The following PID1 variants were observed in gnomAD, a reference collection of about 807,000 sequenced individuals.
PID1 encodes the protein PTB-containing, cubilin and LRP1-interacting protein.
In PID1, 10 loss-of-function variants were observed where a neutral mutation model predicts 19.1. That is an observed-to-expected ratio of 0.52 (90% CI 0.32 to 0.89). The LOEUF (loss-of-function observed/expected upper bound fraction) is 0.89, where lower values mean the gene tolerates loss of function less well. Among genes scored for constraint, PID1 ranks in the 40% least tolerant of loss-of-function variants. PID1 has a pLI of 0.03. For missense variants in PID1, 248 were observed against 285.3 expected, an observed-to-expected ratio of 0.87 and a Z score of 0.94; for synonymous variants, 130 against 116.0, an observed-to-expected ratio of 1.12 and a Z score of -0.78.
intron 2 of PID1, among the ~76,000 whole-genome samples, chr2:229,046,355 T>TGA (rs199746994): frequency 0.016 from 2,452 of 148,868 alleles, 67 homozygotes; most frequent in African/African-American, 0.059. Context: ...AAAGTGTGTG[T>TGA]GTGTGTGTGT....
chr2:229,199,385 G>T (rs1258826688), intron 1 of PID1, among the ~76,000 whole-genome samples: 3 of 151,864 alleles, frequency 2.0e-5, no homozygotes, highest in African/African-American at 7.3e-5. Flanking sequence ...CATGGGAAGG[G>T]CTCTCTCATC....
chr2:229,190,787 A>G (rs1030833273), intron 1 of PID1, among the ~76,000 whole-genome samples: 1 of 151,984 alleles, frequency 6.6e-6, no homozygotes, highest in African/African-American at 2.4e-5. Context: ...TCATTCAACA[A>G]TTTGTTGTGG....
intron 2 of PID1, among the ~76,000 whole-genome samples, chr2:229,141,230 T>C (rs1574661558): frequency 6.6e-6 from 1 of 152,072 alleles, no homozygotes; most frequent in South Asian, 2.1e-4. Context: ...ATTTCTCCTA[T>C]TGATGATTAA....
At chr2:229,080,032 G>A (rs1176782858) in intron 2 of PID1, among the ~76,000 whole-genome samples, 2 of 152,040 alleles carry the variant, frequency 1.3e-5, no homozygotes, top group South Asian at 2.1e-4. Context: ...ACAGGGGAGG[G>A]GACAGGTGAG....
intron 1 of PID1, among the ~76,000 whole-genome samples, chr2:229,172,723 GTTTGTT>G (rs1690735511): frequency 1.3e-5 from 2 of 151,948 alleles, no homozygotes; most frequent in South Asian, 2.1e-4. Context: ...ATAATATTTT[GTTTGTT>G]TTTGTTTTTG....
At chr2:229,111,207 C>A (rs1695292319) in intron 2 of PID1, among the ~76,000 whole-genome samples, 2 of 152,088 alleles carry the variant, frequency 1.3e-5, no homozygotes, top group Admixed American at 6.6e-5. Flanking sequence ...TCGAGTATGT[C>A]TTTATTAGCA....
intron 1 of PID1, among the ~76,000 whole-genome samples, chr2:229,163,646 A>AGT (rs781261716): frequency 0.011 from 1,546 of 136,844 alleles, 13 homozygotes; most frequent in African/African-American, 0.024. Flanking sequence ...AGGGAGAGAG[A>AGT]GAGAGTGTGT....
At chr2:229,189,764 G>A (rs535645283) in intron 1 of PID1, among the ~76,000 whole-genome samples, 1 of 152,186 alleles carries the variant, frequency 6.6e-6, no homozygotes, top group Non-Finnish European at 1.5e-5. Context: ...ACGCAGAACA[G>A]TCGAGGGGCA....
At chr2:229,076,505 T>C (rs1437315131) in intron 2 of PID1, among the ~76,000 whole-genome samples, 1 of 152,134 alleles carries the variant, frequency 6.6e-6, no homozygotes, top group Non-Finnish European at 1.5e-5. Context: ...CAACTCGTCA[T>C]CTACATTAGG....
chr2:229,192,712 G>A (rs1482280050), intron 1 of PID1, among the ~76,000 whole-genome samples: 1 of 152,100 alleles, frequency 6.6e-6, no homozygotes, highest in Non-Finnish European at 1.5e-5. Context: ...AGGATGATGT[G>A]GTGTTTAAAT....
chr2:229,217,810 T>C (rs537355577), intron 1 of PID1, among the ~76,000 whole-genome samples: 1 of 152,358 alleles, frequency 6.6e-6, no homozygotes, highest in Non-Finnish European at 1.5e-5. Flanking sequence ...CATTCCAAGG[T>C]AGGTCTAAAC....
chr2:229,123,244 G>A (rs1265769852), intron 2 of PID1, among the ~76,000 whole-genome samples: 1 of 152,112 alleles, frequency 6.6e-6, no homozygotes, highest in African/African-American at 2.4e-5. Context: ...TACCTATTCA[G>A]GGATACTTCA....
At chr2:229,228,118 G>T in intron 1 of PID1, 1 of 448,718 alleles carries the variant, frequency 2.2e-6, no homozygotes, top group Admixed American at 2.4e-5. Context: ...AAATCCAAGA[G>T]AATCGAGATA....
At chr2:229,217,097 CT>C (rs1220662362) in intron 1 of PID1, among the ~76,000 whole-genome samples, 6 of 152,184 alleles carry the variant, frequency 3.9e-5, no homozygotes, top group Non-Finnish European at 8.8e-5. Context: ...GTGTCCTTTA[CT>C]TTCCATTAGC....
intron 2 of PID1, among the ~76,000 whole-genome samples, chr2:229,070,323 T>C (rs1461539503): frequency 5.9e-5 from 9 of 152,194 alleles, no homozygotes; most frequent in Admixed American, 5.9e-4. Flanking sequence ...CTACTTAATC[T>C]TTCTCTGCCT....
chr2:229,218,318 C>G (rs1220462105), intron 1 of PID1, among the ~76,000 whole-genome samples: 1 of 92,834 alleles, frequency 1.1e-5, no homozygotes, highest in East Asian at 3.0e-4. Context: ...AAAAAAAAAG[C>G]ATGACAACAA....
intron 2 of PID1, among the ~76,000 whole-genome samples, chr2:229,125,451 A>G (rs1695604115): frequency 6.6e-6 from 1 of 152,052 alleles, no homozygotes; most frequent in Non-Finnish European, 1.5e-5. Context: ...GTTCTTCCTC[A>G]ACATACTTAA....
intron 1 of PID1, among the ~76,000 whole-genome samples, chr2:229,177,727 TTCATCATCA>T (rs375569112): frequency 6.6e-6 from 1 of 151,742 alleles, no homozygotes; most frequent in Admixed American, 6.6e-5. Flanking sequence ...CCTGGCATCT[TTCATCATCA>T]TCATCATCAT....
At position 229,077,992 on chromosome 2, in the gene PID1, C is replaced by T. The variant is rs6029227; in HGVS notation, c.178-51884G>A. Among the ~76,000 whole-genome samples, 411 of 152,240 alleles carry T rather than the reference C, an allele frequency of 2.7e-3. 3 individuals carry two copies. Among genetic ancestry groups the T allele is most frequent in the African/African-American group, 9.4e-3 (390 of 41,540 alleles). On this transcript the variant is annotated intron_variant, in intron 2 of 2. Transcript: ENST00000392055. The stretch of plus-strand genomic sequence containing the variant: ...ACTTTGGGCAGTATGACAATTTCCA[C>T]GATATTGATTCTTCCTATCCACAAG...
Sources: allele counts gnomAD v4.1 joint callset (sites outside exome capture counted in the v4.1 genomes callset), GRCh38; gene constraint gnomAD v4.1.1; transcripts MANE v1.5; gene names NCBI Gene and HGNC (gene_info 2026-07-23, HGNC 2026-07-21).